EXT1: variants seen among roughly 807,000 people sequenced by gnomAD.
The protein encoded by EXT1 is exostosin glycosyltransferase 1, also known as exostosin-1.
Under a neutral mutation model 82.5 loss-of-function variants are expected in EXT1, and 20 were observed. The ratio of observed to expected loss-of-function variants is 0.24; its 90% CI spans 0.17 to 0.35. The LOEUF is 0.35. Among genes scored for constraint, EXT1 ranks in the 10% least tolerant of loss-of-function variants. The pLI, the probability that EXT1 is intolerant of heterozygous loss-of-function variation, is 1.00. For missense variants in EXT1, 757 were observed against 936.5 expected, an observed-to-expected ratio of 0.81 and a Z score of 2.50; for synonymous variants, 348 against 350.8, an observed-to-expected ratio of 0.99 and a Z score of 0.09.
intron 1 of EXT1, among the ~76,000 whole-genome samples, chr8:118,081,064 T>C (rs1188016746): frequency 6.6e-6 from 1 of 152,176 alleles, no homozygotes; most frequent in Non-Finnish European, 1.5e-5. Context: ...ATGCTTTTCA[T>C]TCAGTATCTC....
intron 1 of EXT1, among the ~76,000 whole-genome samples, chr8:117,980,706 T>G (rs1815177131): frequency 5.4e-4 from 23 of 42,224 alleles, no homozygotes; most frequent in African/African-American, 1.2e-3. Flanking sequence ...TGGTTTTTTT[T>G]TTTTTTTTTT....
At chr8:117,861,511 T>TCTGTGGAGTACA (rs1812685480) in intron 1 of EXT1, among the ~76,000 whole-genome samples, 3,246 of 135,294 alleles carry the variant, frequency 0.024, 532 homozygotes, top group Non-Finnish European at 0.035. Context: ...TTTTTTTTTT[T>TCTGTGGAGTACA]TGAGATAGAG....
At chr8:117,842,540 T>C (rs930154802) in intron 1 of EXT1, among the ~76,000 whole-genome samples, 3 of 152,216 alleles carry the variant, frequency 2.0e-5, no homozygotes, top group African/African-American at 2.4e-5. Flanking sequence ...ATCATGTACA[T>C]TGAATATAAA....
At chr8:117,905,092 GA>G (rs1489447037) in intron 1 of EXT1, among the ~76,000 whole-genome samples, 1 of 152,006 alleles carries the variant, frequency 6.6e-6, no homozygotes, top group East Asian at 1.9e-4. Context: ...TCTGAGCAAA[GA>G]AAAAAATTAA....
At chr8:117,913,863 A>G (rs1443576513) in intron 1 of EXT1, among the ~76,000 whole-genome samples, 5 of 152,248 alleles carry the variant, frequency 3.3e-5, no homozygotes, top group East Asian at 1.9e-4. Context: ...TTTAAGACTC[A>G]GAGGTTAAAT....
intron 1 of EXT1, among the ~76,000 whole-genome samples, chr8:118,011,637 G>T (rs577711623): frequency 1.1e-3 from 162 of 152,158 alleles, no homozygotes; most frequent in African/African-American, 3.4e-3. Context: ...ACCCAAAGTC[G>T]CATATGTGGA....
chr8:117,813,278 C>CA (rs1005370369), intron 7 of EXT1, among the ~76,000 whole-genome samples: 2 of 152,032 alleles, frequency 1.3e-5, no homozygotes, highest in African/African-American at 4.8e-5. Context: ...TTGCTTGATA[C>CA]AAAAAATGCC....
intron 1 of EXT1, among the ~76,000 whole-genome samples, chr8:118,032,971 C>T (rs1168466318): frequency 1.3e-5 from 2 of 152,178 alleles, no homozygotes; most frequent in East Asian, 3.8e-4. Context: ...AAATGCAGCA[C>T]AATTTCAGTT....
At chr8:117,898,860 C>T (rs1387353745) in intron 1 of EXT1, among the ~76,000 whole-genome samples, 1 of 151,954 alleles carries the variant, frequency 6.6e-6, no homozygotes, top group African/African-American at 2.4e-5. Flanking sequence ...CTCTTCCAAG[C>T]TAAGAATATG....
In EXT1 at chr8:117,873,817, G is replaced by A. The variant is rs933711230; in HGVS notation, c.963-36616C>T. Among the ~76,000 whole-genome samples, 13 of 152,230 alleles carry A rather than the reference G, an allele frequency of 8.5e-5. No individual in the cohort carries two copies. In the East Asian group the frequency reaches 2.5e-3, roughly 29 times the overall value. On this transcript the variant is annotated intron_variant, in intron 1 of 10. Transcript: ENST00000378204. ...ATATGCATCCCAATAGGATTGGGGTGATTTTCAACATTCATATAAAAAATG... is the reference window on the plus strand; with the variant it reads ...ATATGCATCCCAATAGGATTGGGGTAATTTTCAACATTCATATAAAAAATG...
intron 1 of EXT1, among the ~76,000 whole-genome samples, chr8:117,903,696 A>C (rs972881195): frequency 6.6e-6 from 1 of 152,238 alleles, no homozygotes; most frequent in African/African-American, 2.4e-5. Context: ...GTCCTACAAC[A>C]ACTTGCCACA....
chr8:117,955,442 A>G (rs775582354), intron 1 of EXT1, among the ~76,000 whole-genome samples: 5 of 152,226 alleles, frequency 3.3e-5, no homozygotes, highest in African/African-American at 7.2e-5. Context: ...CCTCATTAGA[A>G]CAAAAGGTTT....
At chr8:117,989,798 G>A (rs545405497) in intron 1 of EXT1, among the ~76,000 whole-genome samples, 2 of 152,338 alleles carry the variant, frequency 1.3e-5, no homozygotes, top group African/African-American at 4.8e-5. Flanking sequence ...TGCCAGAAGA[G>A]CCCCACTGCT....
At chr8:117,819,473 C>A (rs1302076641) in intron 6 of EXT1, among the ~76,000 whole-genome samples, 1 of 152,192 alleles carries the variant, frequency 6.6e-6, no homozygotes, top group Non-Finnish European at 1.5e-5. Flanking sequence ...CCCATCCCTT[C>A]CCTGTGCAGA....
intron 1 of EXT1, among the ~76,000 whole-genome samples, chr8:118,084,434 T>A (rs1294672743): frequency 2.0e-5 from 3 of 152,184 alleles, no homozygotes; most frequent in African/African-American, 7.2e-5. Context: ...TCTCTTTCAC[T>A]GGGCTGCAGG....
intron 1 of EXT1, among the ~76,000 whole-genome samples, chr8:117,947,057 T>C (rs1410530200): frequency 1.3e-5 from 2 of 152,146 alleles, no homozygotes; most frequent in African/African-American, 4.8e-5. Context: ...TGTTCTGTCT[T>C]GTTAAAAGGG....
At position 118,111,686 on chromosome 8, in the gene EXT1, G is replaced by C; in HGVS notation, c.-640C>G. 3.8e-6 allele frequency: 1 copy of C among 261,060 alleles called. No individual in the cohort carries two copies. The allele number at this position is 261,060 out of a possible 1,614,324, so 16.2% of individuals were successfully genotyped here. A position where few individuals can be genotyped will look rare whatever the true frequency, so the allele number is the denominator to read the frequency against. On this transcript the variant is annotated 5_prime_UTR_variant, in exon 1 of 11. Transcript: ENST00000378204. ...GGGGCCGGCCCCCGGGACGCGCGGCGGCCCGGCTGGAGGCGGCGGCGGCGG... is the reference window on the plus strand; with the variant it reads ...GGGGCCGGCCCCCGGGACGCGCGGCCGCCCGGCTGGAGGCGGCGGCGGCGG...
At chr8:117,824,819 A>C (rs1488516067) in intron 4 of EXT1, among the ~76,000 whole-genome samples, 1 of 152,076 alleles carries the variant, frequency 6.6e-6, no homozygotes, top group Non-Finnish European at 1.5e-5. Context: ...AAAATTTTCC[A>C]CATTTAGGAT....
At chr8:117,882,982 A>G (rs1265324990) in intron 1 of EXT1, among the ~76,000 whole-genome samples, 2 of 147,738 alleles carry the variant, frequency 1.4e-5, no homozygotes, top group East Asian at 2.0e-4. Context: ...GTCTCAAAGA[A>G]AAAAAAAAAA....
Sources: gnomAD v4.1 joint callset for allele counts (sites outside exome capture counted in the v4.1 genomes callset) on GRCh38, gnomAD v4.1.1 for gene constraint, MANE v1.5 for transcripts, NCBI Gene and HGNC (gene_info 2026-07-23, HGNC 2026-07-21) for gene names.